PDPK1: variants seen among roughly 807,000 people sequenced by gnomAD.
PDPK1 encodes 3-phosphoinositide-dependent protein kinase 1.
A neutral mutation model predicts 39.8 loss-of-function variants in PDPK1; 7 were observed. The ratio of observed to expected loss-of-function variants is 0.18; its 90% CI spans 0.10 to 0.33. PDPK1 has a LOEUF of 0.33. Ranked by LOEUF, PDPK1 falls within the 10% of genes least tolerant of loss-of-function variation. The pLI is 1.00. For missense variants in PDPK1, 182 were observed against 384.7 expected (o/e 0.47, Z 4.41); for synonymous variants, 118 against 159.1 (o/e 0.74, Z 1.95).
chr16:2,560,182 A>G (rs1253454147), intron 2 of PDPK1, among the ~76,000 whole-genome samples: 2 of 152,042 alleles, frequency 1.3e-5, no homozygotes, highest in East Asian at 3.9e-4. Flanking sequence ...TTGAGTTTAG[A>G]CAACGGAAAG....
rs768166848 is a variant in PDPK1 at position 2,586,813 on chromosome 16, G to A, written c.1263G>A (p.Ser421=). 49 of 1,614,108 alleles carry A rather than the reference G, an allele frequency of 3.0e-5. No homozygotes were observed. In the South Asian group the frequency reaches 3.7e-4, roughly 12 times the overall value. The stretch of plus-strand genomic sequence containing the variant: ...AGCAGTACATTCACGATCTGGACTC[G>A]AACTCCTTTGAACTGGACTTACAGT... ...NIEQYIHDLD[S]NSFELDLQFS... Residue 421 remains serine, a synonymous_variant, in exon 11 of 14, where the codon TCG becomes TCA. Transcript: ENST00000342085.
At chr16:2,585,354 C>T (rs111479620) in intron 10 of PDPK1, among the ~76,000 whole-genome samples, 4 of 152,210 alleles carry the variant, frequency 2.6e-5, no homozygotes, top group African/African-American at 9.6e-5. Context: ...CCAGGCCAGA[C>T]CTCACACGGG....
intron 1 of PDPK1, among the ~76,000 whole-genome samples, chr16:2,544,534 C>A (rs1175018675): frequency 6.6e-6 from 1 of 152,150 alleles, no homozygotes; most frequent in Non-Finnish European, 1.5e-5. Context: ...TGGATTCTAC[C>A]AGTTGTTAAC....
rs772016545 is a variant in PDPK1, at chr16:2,593,194, A to G, written c.1344-2599A>G. On this transcript the variant is annotated intron_variant, in intron 11 of 13. Coordinates refer to ENST00000342085, the MANE Select transcript of PDPK1 (RefSeq NM_002613.5). This position sits in a 1 kb window ranked among gnomAD's most constrained non-coding sequence, Gnocchi z 4.2. ...GATCAGGGTGGAGCGGCCCAGCTCAATGTCTTCATTTAGGGCCATTGAGAG... is the reference window on the plus strand; with the variant it reads ...GATCAGGGTGGAGCGGCCCAGCTCAGTGTCTTCATTTAGGGCCATTGAGAG... 6.7e-5 allele frequency: 28 copies of G among 415,496 alleles called. No homozygotes were observed. Among genetic ancestry groups the G allele is most frequent in the African/African-American group, 5.2e-4 (25 of 48,020 alleles). 25.7% of individuals were successfully genotyped at this position (415,496 alleles called of 1,614,324 possible). A position where few individuals can be genotyped will look rare whatever the true frequency, so the allele number is the denominator to read the frequency against.
rs775298281 is a variant in PDPK1, at chr16:2,557,942, T to C, written c.264T>C (p.Leu88=). 2 of 1,612,640 alleles carry C rather than the reference T, an allele frequency of 1.2e-6. No individual in the cohort carries two copies. Among genetic ancestry groups the C allele is most frequent in the South Asian group, 1.1e-5 (1 of 91,064 alleles). The stretch of plus-strand genomic sequence containing the variant: ...AGGACTTCAAGTTTGGGAAAATCCT[T>C]GGGGAAGGCTCTTTTTCCACGGTGA... The part of the protein sequence containing the change: ...RPEDFKFGKI[L]GEGSFSTVVL... Residue 88 remains leucine (L), a synonymous_variant, in exon 2 of 14, where the codon CTT becomes CTC. Coordinates refer to ENST00000342085, the MANE Select transcript of PDPK1 (RefSeq NM_002613.5).
Position 2,597,616 on chromosome 16 carries a change from C to T in PDPK1, c.1555-35C>T, listed in dbSNP as rs1288422968. 3 of 1,478,056 alleles carry T rather than the reference C, an allele frequency of 2.0e-6. No homozygotes were observed. The highest frequency in any genetic ancestry group is 2.8e-6 in the Non-Finnish European group (3 of 1,055,944). 91.6% of individuals were successfully genotyped at this position (1,478,056 alleles called of 1,614,324 possible). On this transcript the variant is annotated intron_variant, in intron 13 of 13. Coordinates refer to ENST00000342085, the MANE Select transcript of PDPK1 (RefSeq NM_002613.5). The surrounding 1 kb of genome is among the most constrained non-coding windows in gnomAD (Gnocchi z 6.3). ...TTGGGGTGGGGGTTTTGGTGGGACT[C>T]CCTGGAGAACACTAAACGGCTTCTG...
At chr16:2,551,659 C>CT (rs1174322765) in intron 1 of PDPK1, among the ~76,000 whole-genome samples, 14,430 of 132,734 alleles carry the variant, frequency 0.11, 718 homozygotes, top group African/African-American at 0.13. Flanking sequence ...TGATTTCCAT[C>CT]TTTTTTTTTT....
intron 11 of PDPK1, chr16:2,592,935 G>C (rs1250770767): frequency 2.2e-6 from 1 of 456,712 alleles, no homozygotes; most frequent in South Asian, 1.5e-5. Flanking sequence ...TGGTGCTGGC[G>C]TGTTCTGTCA....
intron 11 of PDPK1, chr16:2,592,550 C>A (rs1275386835): frequency 1.2e-5 from 4 of 342,152 alleles, no homozygotes; most frequent in Non-Finnish European, 1.7e-5. Context: ...TGGTGGGTAC[C>A]TGTAATCCCA....
intron 1 of PDPK1, among the ~76,000 whole-genome samples, chr16:2,545,830 G>C (rs2066333410): frequency 6.6e-6 from 1 of 152,202 alleles, no homozygotes; most frequent in Admixed American, 6.5e-5. Flanking sequence ...TGTACAGATG[G>C]GGTCTCGCTT....
In PDPK1 at chr16:2,597,527, G is replaced by C; in HGVS notation, c.1555-124G>C. ...CTGTGTAGTTGCTTACTGCTTGTGT[G>C]AATAACCGTCACACCCACGTGCTTT... is the stretch of plus-strand genomic sequence containing the variant. On this transcript the variant is annotated intron_variant, in intron 13 of 13. Coordinates refer to ENST00000342085, the MANE Select transcript of PDPK1 (RefSeq NM_002613.5). This position sits in a 1 kb window ranked among gnomAD's most constrained non-coding sequence, Gnocchi z 6.3. 2.6e-6 allele frequency: 2 copies of C among 772,814 alleles called. No homozygotes were observed. Among genetic ancestry groups the C allele is most frequent in the South Asian group, 1.5e-5 (1 of 65,134 alleles). 47.9% of individuals were successfully genotyped at this position (772,814 alleles called of 1,614,324 possible). A position where few individuals can be genotyped will look rare whatever the true frequency, so the allele number is the denominator to read the frequency against.
At position 2,598,335 on chromosome 16, in the gene PDPK1, G is replaced by T. The variant is rs970839400; in HGVS notation, c.*568G>T. 5 of 233,680 alleles carry T rather than the reference G, an allele frequency of 2.1e-5. No individual in the cohort carries two copies. Among genetic ancestry groups the T allele is most frequent in the Non-Finnish European group, 3.4e-5 (4 of 118,376 alleles). 14.5% of individuals were successfully genotyped at this position (233,680 alleles called of 1,614,324 possible). On this transcript the variant is annotated 3_prime_UTR_variant, in exon 14 of 14. Transcript: ENST00000342085. The stretch of plus-strand genomic sequence containing the variant: ...CTCCCTGTGATGGGCCCTTAGGCCT[G>T]GCTGGGCCCATTACATATCCCTGTG...
chr16:2,587,113 C>T (rs1233533123), intron 11 of PDPK1, among the ~76,000 whole-genome samples: 2 of 152,204 alleles, frequency 1.3e-5, no homozygotes, highest in Non-Finnish European at 2.9e-5. Flanking sequence ...CCTCCTCTGC[C>T]GGGCATTTGG....
In PDPK1 at chr16:2,602,580, A is replaced by T. The variant is rs997845175; in HGVS notation, c.*4813A>T. 8.5e-6 allele frequency: 2 copies of T among 234,684 alleles called. No individual in the cohort carries two copies. Among genetic ancestry groups the T allele is most frequent in the African/African-American group, 4.4e-5 (2 of 45,236 alleles). The allele number at this position is 234,684 out of a possible 1,614,324, so 14.5% of individuals were successfully genotyped here. Reference sequence around the variant, plus strand: ...TACGAATAGGGGTCATTGTGCTGGTAAAAGCCTCTATTACGACTGTAAGTA... The same window carrying T: ...TACGAATAGGGGTCATTGTGCTGGTTAAAGCCTCTATTACGACTGTAAGTA... On this transcript the variant is annotated 3_prime_UTR_variant, in exon 14 of 14. Coordinates refer to ENST00000342085, the MANE Select transcript of PDPK1 (RefSeq NM_002613.5).
chr16:2,540,815 A>G (rs1567141896), intron 1 of PDPK1, among the ~76,000 whole-genome samples: 2 of 152,188 alleles, frequency 1.3e-5, no homozygotes, highest in African/African-American at 4.8e-5. Flanking sequence ...GGAACAAAGA[A>G]ACATGTAATG....
chr16:2,592,684 A>AG (rs1199724537), intron 11 of PDPK1: 3 of 423,178 alleles, frequency 7.1e-6, no homozygotes, highest in Non-Finnish European at 1.4e-5. Context: ...TAAAAAAAAA[A>AG]AAAATCAAGG....
Position 2,597,508 on chromosome 16 carries a change from A to G in PDPK1, c.1555-143A>G. 1.4e-6 allele frequency: 1 copy of G among 730,654 alleles called. No homozygotes were observed. The highest frequency in any genetic ancestry group is 2.5e-6 in the Non-Finnish European group (1 of 405,394). The allele number at this position is 730,654 out of a possible 1,614,324, so 45.3% of individuals were successfully genotyped here. A position where few individuals can be genotyped will look rare whatever the true frequency, so the allele number is the denominator to read the frequency against. ...GGGGGTGGTGGTCATCAGCCTGTGT[A>G]GTTGCTTACTGCTTGTGTGAATAAC... On this transcript the variant is annotated intron_variant, in intron 13 of 13. Coordinates refer to ENST00000342085, the MANE Select transcript of PDPK1 (RefSeq NM_002613.5). The surrounding 1 kb of genome is among the most constrained non-coding windows in gnomAD (Gnocchi z 6.3).
rs150809689 is a variant in PDPK1, at chr16:2,591,107, C to T, written c.1343+4214C>T. Among the ~76,000 whole-genome samples, 7 of 152,234 alleles carry T rather than the reference C, an allele frequency of 4.6e-5. No individual in the cohort carries two copies. The East Asian group carries it at 1.2e-3, about 25-fold the overall frequency. ...CCTCCCGAGGAGCTGGGATTACAGG[C>T]GTGTACCACCACACCCGGCTGAGTT... On this transcript the variant is annotated intron_variant, in intron 11 of 13. Transcript: ENST00000342085.
chr16:2,577,201 C>T, intron 6 of PDPK1: 2 of 596,798 alleles, frequency 3.4e-6, no homozygotes, highest in African/African-American at 2.0e-5. Context: ...TTGTGTGCAG[C>T]TCACTGTCCA....
Sources: allele counts gnomAD v4.1 joint callset (sites outside exome capture counted in the v4.1 genomes callset), GRCh38; gene constraint gnomAD v4.1.1; non-coding constraint Gnocchi (gnomAD v3.1); transcripts MANE v1.5; gene names NCBI Gene and HGNC (gene_info 2026-07-23, HGNC 2026-07-21).